The following EFCAB12 variants were observed in gnomAD, a reference collection of about 807,000 sequenced individuals.
EFCAB12 encodes the protein EF-hand calcium binding domain 12.
EFCAB12 carries 43 observed loss-of-function variants against 53.6 expected under a neutral mutation model. That is an observed-to-expected ratio of 0.80 (90% CI 0.63 to 1.03). The LOEUF is 1.03. EFCAB12 is among the 50% of genes least tolerant of loss of function. The pLI is 0.00. For missense variants in EFCAB12, 646 were observed against 730.6 expected, an observed-to-expected ratio of 0.88 and a Z score of 1.34; for synonymous variants, 269 against 289.2, an observed-to-expected ratio of 0.93 and a Z score of 0.71.
chr3:129,414,944 A>T (rs566731331), intron 4 of EFCAB12: 1 of 244,402 alleles, frequency 4.1e-6, no homozygotes, highest in African/African-American at 2.3e-5. Context: ...AAGGCTTGCC[A>T]TTTGGGTCAG....
intron 3 of EFCAB12, among the ~76,000 whole-genome samples, chr3:129,417,318 T>C (rs2072127566): frequency 1.9e-5 from 2 of 108,034 alleles, no homozygotes; most frequent in Admixed American, 1.2e-4. Flanking sequence ...AGTGAGACTC[T>C]GCCTCAAAAA....
chr3:129,415,016 G>A (rs1463360466), intron 4 of EFCAB12: 2 of 445,174 alleles, frequency 4.5e-6, no homozygotes, highest in Non-Finnish European at 7.7e-6. Flanking sequence ...CAAGGGCTGG[G>A]ACTCATTTGT....
rs370961897 is a variant in EFCAB12, at chr3:129,428,450, C to G, written c.39G>C (p.Leu13Phe). The G allele has an allele frequency of 1.2e-4, 191 of 1,610,338 alleles. 1 individual carries two copies. In the South Asian group the frequency reaches 1.7e-3, roughly 14 times the overall value. ...CTTCCCGGGGCTTACCGAGCAGCGA[C>G]AAGAACAGACTGTGGTACGCTTCAT... Reference protein sequence around the residue: ...DDYEAYHSLFLSLLGLCPSKT... With the variant: ...DDYEAYHSLFFSLLGLCPSKT... Residue 13 changes from leucine to phenylalanine, a missense_variant, in exon 1 of 9, where the codon TTG becomes TTC. Transcript: ENST00000505956.
chr3:129,412,619 A>G, intron 4 of EFCAB12: 1 of 152,656 alleles, frequency 6.6e-6, no homozygotes, highest in Non-Finnish European at 1.5e-5. Context: ...TCCATGGCAT[A>G]CCATTCACCC....
At chr3:129,412,412 A>T (rs987095756) in intron 4 of EFCAB12, 1 of 147,734 alleles carries the variant, frequency 6.8e-6, no homozygotes, top group East Asian at 2.0e-4. Flanking sequence ...CTTATGTTGG[A>T]TATGTGTAGA....
At chr3:129,409,651 C>A (rs1012307758) in intron 5 of EFCAB12, among the ~76,000 whole-genome samples, 3 of 152,028 alleles carry the variant, frequency 2.0e-5, no homozygotes, top group Non-Finnish European at 2.9e-5. Context: ...CAGCAAAGAC[C>A]AGCCCATGAG....
Position 129,411,185 on chromosome 3 carries a change from C to A in EFCAB12, c.1008G>T (p.Arg336=). The A allele has an allele frequency of 1.2e-6, 2 of 1,607,904 alleles. No homozygotes were observed. The highest frequency in any genetic ancestry group is 1.7e-6 in the Non-Finnish European group (2 of 1,177,112). The stretch of plus-strand genomic sequence containing the variant: ...TGTGCTGTCGCTGCCGCTCGCGGTA[C>A]CGCTTGCCCACTTCCTCCATCTCCT... ...TLEEMEEVGK[R]YRERQRQHKL... Residue 336 remains arginine (R), a synonymous_variant, in exon 5 of 9, where the codon CGG becomes CGT. Coordinates refer to ENST00000505956, the MANE Select transcript of EFCAB12 (RefSeq NM_207307.3).
intron 1 of EFCAB12, among the ~76,000 whole-genome samples, chr3:129,422,160 T>G (rs998872751): frequency 6.6e-6 from 1 of 152,110 alleles, no homozygotes. Flanking sequence ...CAGAACGTTC[T>G]TCGGTCTGAG....
At position 129,401,461 on chromosome 3, in the gene EFCAB12, C is replaced by T; in HGVS notation, c.*132G>A. The stretch of plus-strand genomic sequence containing the variant: ...ACTTTGAGTCCAGAGGGAACTGGCC[C>T]CCGGTCCATCCCTCTTTGAAAGGAT... On this transcript the variant is annotated 3_prime_UTR_variant, in exon 9 of 9. Coordinates refer to ENST00000505956, the MANE Select transcript of EFCAB12 (RefSeq NM_207307.3). The T allele has an allele frequency of 7.7e-7, 1 of 1,298,042 alleles. No homozygotes were observed. 80.4% of individuals were successfully genotyped at this position (1,298,042 alleles called of 1,614,324 possible).
chr3:129,428,292 T>C (rs1421757531), intron 1 of EFCAB12, 148 bp downstream of exon 1: 6 of 1,114,452 alleles, frequency 5.4e-6, no homozygotes, highest in Non-Finnish European at 6.6e-6. Flanking sequence ...ATCTCAGAAA[T>C]GTACATGACC....
chr3:129,401,758 CAGGTAGAGCTG>C lies in EFCAB12; in HGVS notation c.1543_1553del (p.Gln515AlafsTer29), dbSNP rs2071874456. ...GGCTCCGGTCTGTGGCCACAGTGGGCAGGTAGAGCTGCAGCTTATCCAGAAGATGACCCGGC... is the reference window on the plus strand; with the variant it reads ...GGCTCCGGTCTGTGGCCACAGTGGGCCAGCTTATCCAGAAGATGACCCGGC... On this transcript the variant is annotated frameshift_variant, in exon 9 of 9. Coordinates refer to ENST00000505956, the MANE Select transcript of EFCAB12 (RefSeq NM_207307.3). LOFTEE classifies it low-confidence loss of function (END_TRUNC). The C allele has an allele frequency of 6.8e-6, 11 of 1,608,292 alleles. No individual in the cohort carries two copies. The highest frequency in any genetic ancestry group is 9.3e-6 in the Non-Finnish European group (11 of 1,177,310).
In EFCAB12 at chr3:129,401,975, C is replaced by T; in HGVS notation, c.1461-124G>A. 7 of 1,314,172 alleles carry T rather than the reference C, an allele frequency of 5.3e-6. No individual in the cohort carries two copies. In the South Asian group the frequency reaches 1.0e-4, roughly 20 times the overall value. 81.4% of individuals were successfully genotyped at this position (1,314,172 alleles called of 1,614,324 possible). On this transcript the variant is annotated intron_variant, in intron 8 of 8. Coordinates refer to ENST00000505956, the MANE Select transcript of EFCAB12 (RefSeq NM_207307.3). ...AGCACTGTGCCAAGCACTTCAGCAC[C>T]TCAGTCCTCCCCACAGTTCCATATG...
intron 8 of EFCAB12, 147 bp downstream of exon 8, chr3:129,402,376 G>T: frequency 1.2e-6 from 1 of 865,300 alleles, no homozygotes; most frequent in Non-Finnish European, 1.9e-6. Flanking sequence ...AATGCCTCCT[G>T]GCCCTCTCTG....
chr3:129,411,398 G>T, intron 4 of EFCAB12, 44 bp from the exon 5 acceptor site: 1 of 1,519,734 alleles, frequency 6.6e-7, no homozygotes, highest in Non-Finnish European at 8.8e-7. Flanking sequence ...GACTAAGAGG[G>T]TGCCCAGCCA....
At chr3:129,424,599 G>T (rs2072248634) in intron 1 of EFCAB12, among the ~76,000 whole-genome samples, 1 of 152,142 alleles carries the variant, frequency 6.6e-6, no homozygotes, top group Non-Finnish European at 1.5e-5. Context: ...CTAGTCTCAG[G>T]TAGTTCTTTA....
At chr3:129,401,960 C>A in intron 8 of EFCAB12, 109 bp from the exon 9 acceptor site, 1 of 1,428,942 alleles carries the variant, frequency 7.0e-7, no homozygotes, top group Non-Finnish European at 9.4e-7. Flanking sequence ...AGCACTGTGC[C>A]AAGCACTTCA....
At position 129,421,746 on chromosome 3, in the gene EFCAB12, G is replaced by C. The variant is rs58932597; in HGVS notation, c.107C>G (p.Pro36Arg). The stretch of plus-strand genomic sequence containing the variant: ...CTGCTTGAAGCAGTGGGCAATGACC[G>C]GTTCAGGATCAAAGACGGGAGCATT... ...NENAPVFDPEPVIAHCFKQFQ... is the reference protein window; with the variant it reads ...NENAPVFDPERVIAHCFKQFQ... Residue 36 changes from proline to arginine, a missense_variant, in exon 2 of 9, where the codon CCG (proline) becomes CGG (arginine). Coordinates refer to ENST00000505956, the MANE Select transcript of EFCAB12 (RefSeq NM_207307.3). The C allele has an allele frequency of 1.3e-5, 21 of 1,613,616 alleles. No individual in the cohort carries two copies. Among genetic ancestry groups the C allele is most frequent in the Non-Finnish European group, 1.8e-5 (21 of 1,179,832 alleles).
chr3:129,401,920 G>T (rs1435504860), intron 8 of EFCAB12, 69 bp from the exon 9 acceptor site: 4 of 1,548,080 alleles, frequency 2.6e-6, no homozygotes, highest in Non-Finnish European at 3.5e-6. Context: ...TCATCGCAGA[G>T]CCCACCAACT....
At chr3:129,405,337 A>T (rs1228514662) in intron 6 of EFCAB12, among the ~76,000 whole-genome samples, 9 of 152,102 alleles carry the variant, frequency 5.9e-5, no homozygotes, top group Non-Finnish European at 8.8e-5. Context: ...AATGTTGGTT[A>T]TTTGGGGGTT....
Sources: allele counts gnomAD v4.1 joint callset (sites outside exome capture counted in the v4.1 genomes callset), GRCh38; gene constraint gnomAD v4.1.1; transcripts MANE v1.5; gene names NCBI Gene and HGNC (gene_info 2026-07-23, HGNC 2026-07-21).